The following NIN variants were observed in gnomAD, a reference collection of about 807,000 sequenced individuals.
The protein encoded by NIN is ninein, also known as glycogen synthase kinase 3 beta-interacting protein.
A neutral mutation model predicts 257.6 loss-of-function variants in NIN; 137 were observed. The ratio of observed to expected loss-of-function variants is 0.53; its 90% confidence interval spans 0.46 to 0.61. NIN has a LOEUF of 0.61. NIN is among the 20% of genes least tolerant of loss of function. NIN has a pLI of 0.00. For missense variants in NIN, 2,439 were observed against 2,501.2 expected (o/e 0.98, Z 0.53); for synonymous variants, 918 against 919.8 (o/e 1.00, Z 0.04).
intron 2 of NIN, among the ~76,000 whole-genome samples, chr14:50,822,484 CTA>C (rs1266132449): frequency 6.6e-6 from 1 of 152,230 alleles, no homozygotes; most frequent in East Asian, 1.9e-4. Context: ...GACAGCAAGA[CTA>C]TTCAAGTGAA....
intron 7 of NIN, among the ~76,000 whole-genome samples, chr14:50,773,352 C>T (rs1403225902): frequency 6.6e-6 from 1 of 152,182 alleles, no homozygotes; most frequent in East Asian, 1.9e-4. Context: ...TTCTCTTTTA[C>T]TCACACTCCT....
chr14:50,741,436 C>T (rs1423117861), intron 25 of NIN, 146 bp downstream of exon 25: 2 of 679,248 alleles, frequency 2.9e-6, no homozygotes, highest in African/African-American at 3.6e-5. Context: ...ACATTTTTAT[C>T]TAAGTGATGG....
At chr14:50,790,056 C>T (rs2043520728) in intron 5 of NIN, among the ~76,000 whole-genome samples, 2 of 152,074 alleles carry the variant, frequency 1.3e-5, no homozygotes, top group African/African-American at 4.8e-5. Context: ...TTGTGTGAAG[C>T]TATTACTTTT....
chr14:50,830,277 G>T (rs1313624665), intron 2 of NIN, among the ~76,000 whole-genome samples, 187 bp downstream of exon 2: 1 of 152,212 alleles, frequency 6.6e-6, no homozygotes. Flanking sequence ...TACTGGAAGT[G>T]CCCAAACCCA....
chr14:50,828,530 T>C lies in NIN; in HGVS notation c.-22+1934A>G, dbSNP rs1044306603. 2.6e-5 allele frequency among the ~76,000 whole-genome samples: 4 copies of C among 152,232 alleles called. No homozygotes were observed. The South Asian group carries it at 8.3e-4, about 32-fold the overall frequency. On this transcript the variant is annotated intron_variant, in intron 2 of 30. Coordinates refer to ENST00000530997, the MANE Select transcript of NIN (RefSeq NM_020921.4). ...TTCAATAGCTAGAATTCAAACCAGA[T>C]AATTTATTGGCTTACAAATGAATTG...
chr14:50,775,734 T>C (rs1249904595), intron 7 of NIN, among the ~76,000 whole-genome samples: 2 of 152,184 alleles, frequency 1.3e-5, no homozygotes, highest in African/African-American at 2.4e-5. Context: ...ATTCCAAGAA[T>C]TGGTTTTAGA....
At chr14:50,822,218 C>T in intron 2 of NIN, 141 bp from the exon 3 acceptor site, 2 of 637,076 alleles carry the variant, frequency 3.1e-6, no homozygotes, top group Non-Finnish European at 2.8e-6. Flanking sequence ...ATGCACCCCA[C>T]AGCAAGACCC....
At chr14:50,727,758 AAAG>A in intron 29 of NIN, 1 of 1,421,460 alleles carries the variant, frequency 7.0e-7, no homozygotes, top group Non-Finnish European at 9.5e-7. Context: ...AGGCCTAGAG[AAAG>A]AAGGCAAGTA....
At chr14:50,746,723 CT>C (rs1273505508) in intron 22 of NIN, among the ~76,000 whole-genome samples, 1 of 152,206 alleles carries the variant, frequency 6.6e-6, no homozygotes, top group Non-Finnish European at 1.5e-5. Context: ...AATTGAAAGA[CT>C]CCTGTAAATA....
intron 15 of NIN, among the ~76,000 whole-genome samples, chr14:50,762,618 G>T (rs1416407899): frequency 1.3e-5 from 2 of 152,206 alleles, no homozygotes; most frequent in African/African-American, 2.4e-5. Flanking sequence ...ACTCATGCAT[G>T]AGCTCATCTC....
intron 26 of NIN, 48 bp from the exon 27 acceptor site, chr14:50,738,334 G>A (rs757837912): frequency 6.4e-7 from 1 of 1,561,106 alleles, no homozygotes; most frequent in Admixed American, 1.8e-5. Context: ...CAATCACCCA[G>A]CCAGCAAAAA....
chr14:50,821,306 A>C (rs1439580696), intron 3 of NIN, among the ~76,000 whole-genome samples: 1 of 152,220 alleles, frequency 6.6e-6, no homozygotes, highest in Non-Finnish European at 1.5e-5. Flanking sequence ...TAACATGACT[A>C]TTTGTCATCA....
At chr14:50,738,050 T>C in intron 27 of NIN, 90 bp downstream of exon 27, 2 of 1,314,946 alleles carry the variant, frequency 1.5e-6, no homozygotes, top group Non-Finnish European at 2.1e-6. Context: ...ATCGTAATCA[T>C]TTCCTTAGAA....
intron 4 of NIN, among the ~76,000 whole-genome samples, chr14:50,793,701 C>T (rs963259241): frequency 4.6e-5 from 7 of 152,188 alleles, no homozygotes; most frequent in African/African-American, 1.4e-4. Context: ...ACCATCACCA[C>T]CACTGCTGCC....
In NIN at chr14:50,723,628, A is replaced by G; in HGVS notation, c.6237T>C (p.Tyr2079=). 1 of 1,613,880 alleles carries G rather than the reference A, an allele frequency of 6.2e-7. No homozygotes were observed. Among genetic ancestry groups the G allele is most frequent in the Non-Finnish European group, 8.5e-7 (1 of 1,179,822 alleles). ...TKADAMVKDL[Y]VENAQLLKAL... ...CTTTCAACAACTGGGCATTTTCAAC[A>G]TACAAGTCCTTCACCATTGCGTCTG... The change falls in exon 31 of 31, where the codon TAT becomes TAC. Residue 2079 remains tyrosine, a synonymous_variant. Coordinates refer to ENST00000530997, the MANE Select transcript of NIN (RefSeq NM_020921.4).
At chr14:50,761,616 A>T (rs1342426333) in intron 16 of NIN, among the ~76,000 whole-genome samples, 174 bp downstream of exon 16, 1 of 152,188 alleles carries the variant, frequency 6.6e-6, no homozygotes, top group African/African-American at 2.4e-5. Context: ...CATTTTGGAG[A>T]AACTCTCCAG....
chr14:50,754,561 AC>A lies in NIN; in HGVS notation c.4734+1del. Reference sequence around the variant, plus strand: ...ATTGAGAAATATTAAGTATTTCCTTACCTGTTTCTTTAAATTTTCAACCATC... The same window carrying A: ...ATTGAGAAATATTAAGTATTTCCTTACTGTTTCTTTAAATTTTCAACCATC... On this transcript the variant is annotated splice_donor_variant, in intron 20 of 30. Coordinates refer to ENST00000530997, the MANE Select transcript of NIN (RefSeq NM_020921.4). LOFTEE classifies it high-confidence loss of function. The A allele has an allele frequency of 6.3e-7, 1 of 1,597,558 alleles. No homozygotes were observed.
rs138284158 is a variant in NIN, at chr14:50,790,222, A to AT, written c.435+2489dup. On this transcript the variant is annotated intron_variant, in intron 5 of 30. Transcript: ENST00000530997. ...GGGCATGCACCACCATGCTCAGTTA[A>AT]TTTTTTTGAGTTTCGTAGAAACAAG... is the stretch of plus-strand genomic sequence containing the variant. Among the ~76,000 whole-genome samples, 653 of 152,070 alleles carry AT rather than the reference A, an allele frequency of 4.3e-3. 3 individuals carry two copies. Among genetic ancestry groups the AT allele is most frequent in the African/African-American group, 0.015 (611 of 41,482 alleles).
chr14:50,775,628 A>G (rs1201074564), intron 7 of NIN, among the ~76,000 whole-genome samples: 3 of 152,222 alleles, frequency 2.0e-5, no homozygotes, highest in Non-Finnish European at 4.4e-5. Context: ...ACTTGTCCTC[A>G]GGCCAGAGGA....
Sources: allele counts gnomAD v4.1 joint callset (sites outside exome capture counted in the v4.1 genomes callset), GRCh38; gene constraint gnomAD v4.1.1; transcripts MANE v1.5; gene names NCBI Gene and HGNC (gene_info 2026-07-23, HGNC 2026-07-21).